The following ZMYM2 variants were observed in gnomAD, a reference collection of about 807,000 sequenced individuals.
The protein encoded by ZMYM2 is zinc finger MYM-type protein 2.
Under a neutral mutation model 162.8 loss-of-function variants are expected in ZMYM2, and 56 were observed. That is an observed-to-expected ratio of 0.34 (90% CI 0.28 to 0.43). The LOEUF is 0.43. ZMYM2 is among the 20% of genes least tolerant of loss of function. ZMYM2 has a pLI of 1.00. For synonymous variants in ZMYM2, 510 were observed against 541.6 expected (o/e 0.94, Z 0.81); for missense variants, 1,275 against 1,621.8 (o/e 0.79, Z 3.67).
intron 2 of ZMYM2, among the ~76,000 whole-genome samples, chr13:19,981,311 AAAC>A (rs1254247643): frequency 1.3e-3 from 181 of 144,528 alleles, no homozygotes; most frequent in African/African-American, 5.0e-3. Context: ...ACAAAAAAAA[AAAC>A]AAAAAACAAA....
At chr13:19,954,291 G>T (rs1215314291), upstream of ZMYM2, among the ~76,000 whole-genome samples, 1 of 151,548 alleles carries the variant, frequency 6.6e-6, no homozygotes, top group African/African-American at 2.4e-5. Context: ...ACCATGCCTG[G>T]CTAATTTTTT....
At chr13:19,866,432 G>A in the ZMYM2 span, among the ~76,000 whole-genome samples, 2 of 152,096 alleles carry the variant, frequency 1.3e-5, no homozygotes, top group Admixed American at 6.6e-5. Flanking sequence ...TTGGAAGGCC[G>A]AGACGGGCAG....
chr13:19,987,157 A>G (rs957744591), intron 2 of ZMYM2, among the ~76,000 whole-genome samples: 1 of 151,682 alleles, frequency 6.6e-6, no homozygotes, highest in African/African-American at 2.4e-5. Flanking sequence ...CAGTTAAGTA[A>G]GCTGCTTAAA....
At chr13:19,894,795 T>C in the ZMYM2 span, among the ~76,000 whole-genome samples, 2 of 151,956 alleles carry the variant, frequency 1.3e-5, no homozygotes, top group Non-Finnish European at 2.9e-5. Flanking sequence ...TTTTTAATTG[T>C]ATTAAAAATT....
chr13:19,924,113 CA>C, the ZMYM2 span, among the ~76,000 whole-genome samples: 1 of 152,112 alleles, frequency 6.6e-6, no homozygotes, highest in African/African-American at 2.4e-5. Flanking sequence ...TGTCGTATAG[CA>C]GATCTTTAGA....
the ZMYM2 span, among the ~76,000 whole-genome samples, chr13:19,886,421 C>G: frequency 6.1e-4 from 93 of 151,640 alleles, 1 homozygote; most frequent in African/African-American, 2.2e-3. Flanking sequence ...CCTCGGCCTC[C>G]CAAAGTGCTG....
chr13:20,085,683 C>T lies in ZMYM2; in HGVS notation c.3942-139C>T, dbSNP rs145472762. The T allele has an allele frequency of 7.0e-6, 4 of 572,560 alleles. No individual in the cohort carries two copies. In the East Asian group the frequency reaches 8.8e-5, roughly 13 times the overall value. The allele number at this position is 572,560 out of a possible 1,614,324, so 35.5% of individuals were successfully genotyped here. A position where few individuals can be genotyped will look rare whatever the true frequency, so the allele number is the denominator to read the frequency against. ...AATAACTTTGAGAATATTTTAATGA[C>T]AGAATAATGGAGACAGTGGGGCATA... On this transcript the variant is annotated intron_variant, in intron 24 of 24. Coordinates refer to ENST00000610343, the MANE Select transcript of ZMYM2 (RefSeq NM_197968.4).
chr13:19,959,227 T>C (rs1594000154), intron 1 of ZMYM2, among the ~76,000 whole-genome samples: 1 of 133,988 alleles, frequency 7.5e-6, no homozygotes, highest in Non-Finnish European at 1.6e-5. Context: ...CCCGGGGAGG[T>C]CGCGGGGCAT....
chr13:20,066,810 G>A, intron 19 of ZMYM2, 41 bp from the exon 20 acceptor site: 1 of 1,476,646 alleles, frequency 6.8e-7, no homozygotes, highest in South Asian at 1.4e-5. Flanking sequence ...AAATAATGTA[G>A]GCTTTAAAAA....
the ZMYM2 span, among the ~76,000 whole-genome samples, chr13:19,886,246 C>T: frequency 2.2e-3 from 301 of 137,452 alleles, 2 homozygotes; most frequent in African/African-American, 7.8e-3. Context: ...CTCATCGCAA[C>T]TTCCGCCTCC....
At chr13:19,931,000 G>T in the ZMYM2 span, among the ~76,000 whole-genome samples, 1 of 151,344 alleles carries the variant, frequency 6.6e-6, no homozygotes, top group African/African-American at 2.4e-5. Context: ...TTAGCCAGGC[G>T]CGGTGGCGGG....
At chr13:19,882,650 G>A in the ZMYM2 span, among the ~76,000 whole-genome samples, 1 of 152,104 alleles carries the variant, frequency 6.6e-6, no homozygotes, top group Non-Finnish European at 1.5e-5. Context: ...AGGAGCCTGA[G>A]GTGGGAGGAT....
At chr13:20,029,947 A>C (rs1952933351) in intron 9 of ZMYM2, among the ~76,000 whole-genome samples, 1 of 151,558 alleles carries the variant, frequency 6.6e-6, no homozygotes, top group Non-Finnish European at 1.5e-5. Context: ...GGCACCTGCC[A>C]CCATGCCTAG....
chr13:19,964,891 G>C lies in ZMYM2; in HGVS notation c.-11+4865G>C, dbSNP rs940762087. ...AAATTTGCTAGGAATATAACTAATTGTTGCAACTTCATATGCAAATGTTGG... is the reference window on the plus strand; with the variant it reads ...AAATTTGCTAGGAATATAACTAATTCTTGCAACTTCATATGCAAATGTTGG... On this transcript the variant is annotated intron_variant, in intron 2 of 24. Transcript: ENST00000610343. 2.0e-5 allele frequency among the ~76,000 whole-genome samples: 3 copies of C among 152,160 alleles called. No individual in the cohort carries two copies. In the East Asian group the frequency reaches 5.8e-4, roughly 29 times the overall value.
At chr13:19,894,957 T>G in the ZMYM2 span, among the ~76,000 whole-genome samples, 1 of 148,838 alleles carries the variant, frequency 6.7e-6, no homozygotes, top group African/African-American at 2.5e-5. Context: ...GGCATGGTCA[T>G]GGGCGCCTAC....
the ZMYM2 span, among the ~76,000 whole-genome samples, chr13:19,949,896 AAAG>A: frequency 1.4e-4 from 19 of 140,680 alleles, no homozygotes; most frequent in East Asian, 2.9e-3. Context: ...AAAAAAAAAA[AAAG>A]AAAAGAAAAG....
chr13:19,915,898 T>C, the ZMYM2 span, among the ~76,000 whole-genome samples: 3 of 151,678 alleles, frequency 2.0e-5, no homozygotes, highest in Non-Finnish European at 4.4e-5. Context: ...CTCACTCTGT[T>C]GCCCAGGCTG....
intron 9 of ZMYM2, among the ~76,000 whole-genome samples, 175 bp downstream of exon 9, chr13:20,027,493 C>T (rs1405253783): frequency 1.3e-5 from 2 of 152,044 alleles, no homozygotes; most frequent in East Asian, 3.9e-4. Context: ...TCTATTTTAG[C>T]CTGGATAGTC....
chr13:19,913,994 G>A, the ZMYM2 span, among the ~76,000 whole-genome samples: 1 of 152,196 alleles, frequency 6.6e-6, no homozygotes, highest in Non-Finnish European at 1.5e-5. Flanking sequence ...AACTTCCAGT[G>A]GGCAGAATTA....
Sources: gnomAD v4.1 joint callset for allele counts (sites outside exome capture counted in the v4.1 genomes callset) on GRCh38, gnomAD v4.1.1 for gene constraint, MANE v1.5 for transcripts, NCBI Gene and HGNC (gene_info 2026-07-23, HGNC 2026-07-21) for gene names.